GRM3: variants seen among roughly 807,000 people sequenced by gnomAD.
The protein encoded by GRM3 is glutamate metabotropic receptor 3.
GRM3 carries 26 observed loss-of-function variants against 70.5 expected under a neutral mutation model. That is an observed-to-expected ratio of 0.37 (90% CI 0.27 to 0.51). GRM3 has a LOEUF of 0.51. Ranked by LOEUF, GRM3 falls within the 20% of genes least tolerant of loss-of-function variation. GRM3 has a pLI of 0.93. For missense variants in GRM3, 859 were observed against 1,123.8 expected, an observed-to-expected ratio of 0.76 and a Z score of 3.37; for synonymous variants, 443 against 434.9, an observed-to-expected ratio of 1.02 and a Z score of -0.23.
At chr7:86,836,103 A>G (rs1798451271) in intron 3 of GRM3, among the ~76,000 whole-genome samples, 1 of 152,232 alleles carries the variant, frequency 6.6e-6, no homozygotes, top group Admixed American at 6.5e-5. Context: ...AATTATTAAA[A>G]AGATAAAAAT....
intron 1 of GRM3, among the ~76,000 whole-genome samples, chr7:86,696,655 G>A (rs1794824405): frequency 6.6e-6 from 1 of 151,974 alleles, no homozygotes. Flanking sequence ...TTTTATAAAG[G>A]TGAAGAGTAT....
intron 2 of GRM3, among the ~76,000 whole-genome samples, chr7:86,783,822 A>G (rs1797145552): frequency 1.3e-5 from 2 of 152,188 alleles, no homozygotes; most frequent in African/African-American, 4.8e-5. Flanking sequence ...GTAACTCTGA[A>G]TATCGTAAGT....
At chr7:86,762,775 G>T (rs77903561) in intron 1 of GRM3, among the ~76,000 whole-genome samples, 3,265 of 152,148 alleles carry the variant, frequency 0.021, 104 homozygotes, top group African/African-American at 0.072. Flanking sequence ...ATTTGCTGGA[G>T]AAATTGGTAT....
intron 1 of GRM3, among the ~76,000 whole-genome samples, chr7:86,758,485 G>A (rs1796401006): frequency 1.3e-5 from 2 of 152,114 alleles, no homozygotes; most frequent in South Asian, 4.1e-4. Context: ...AGGAACTTGA[G>A]GATGCTAAAG....
At chr7:86,818,425 A>T (rs1457418344) in intron 3 of GRM3, among the ~76,000 whole-genome samples, 1 of 152,056 alleles carries the variant, frequency 6.6e-6, no homozygotes, top group Admixed American at 6.6e-5. Flanking sequence ...TGCTGGAGTC[A>T]TGTAGACCTG....
At chr7:86,673,218 T>A (rs936555368) in intron 1 of GRM3, among the ~76,000 whole-genome samples, 4 of 152,106 alleles carry the variant, frequency 2.6e-5, no homozygotes, top group African/African-American at 9.7e-5. Context: ...TTCCTCATTC[T>A]CCCCTTACAG....
rs1797253019 is a variant in GRM3 at position 86,786,587 on chromosome 7, G to A, written c.795G>A (p.Gln265=). 2.5e-6 allele frequency: 4 copies of A among 1,613,868 alleles called. No homozygotes were observed. Among genetic ancestry groups the A allele is most frequent in the Non-Finnish European group, 3.4e-6 (4 of 1,180,046 alleles). ...SYDSVIRELL[Q]KPNARVVVLF... ...ACAGCGTGATCCGAGAACTGTTGCAGAAGCCCAACGCGCGCGTCGTGGTCC... is the reference window on the plus strand; with the variant it reads ...ACAGCGTGATCCGAGAACTGTTGCAAAAGCCCAACGCGCGCGTCGTGGTCC... The change falls in exon 3 of 6, where the codon CAG becomes CAA. Residue 265 remains glutamine, a synonymous_variant. Coordinates refer to ENST00000361669, the MANE Select transcript of GRM3 (RefSeq NM_000840.3). The surrounding 1 kb of genome is among the most constrained non-coding windows in gnomAD (Gnocchi z 6.0).
intron 3 of GRM3, among the ~76,000 whole-genome samples, chr7:86,838,021 T>C (rs929421152): frequency 6.6e-6 from 1 of 152,162 alleles, no homozygotes; most frequent in East Asian, 1.9e-4. Context: ...GAAGCATGTA[T>C]GCTCAGAGCT....
chr7:86,731,369 GTT>G (rs750761720), intron 1 of GRM3, among the ~76,000 whole-genome samples: 14 of 151,988 alleles, frequency 9.2e-5, no homozygotes, highest in Non-Finnish European at 2.1e-4. Context: ...AAATTATCTT[GTT>G]CCTTCACATG....
At chr7:86,773,974 C>T (rs904689857) in intron 2 of GRM3, among the ~76,000 whole-genome samples, 1 of 152,074 alleles carries the variant, frequency 6.6e-6, no homozygotes, top group South Asian at 2.1e-4. Flanking sequence ...GGTCAGGTGT[C>T]TATGATGGAG....
chr7:86,789,493 T>C (rs1797353546), intron 3 of GRM3, among the ~76,000 whole-genome samples: 1 of 152,246 alleles, frequency 6.6e-6, no homozygotes, highest in Non-Finnish European at 1.5e-5. Flanking sequence ...TGCTTTAAGC[T>C]TGAGATGCAC....
intron 4 of GRM3, among the ~76,000 whole-genome samples, chr7:86,846,302 G>C (rs1442189135): frequency 6.6e-6 from 1 of 152,120 alleles, no homozygotes; most frequent in East Asian, 1.9e-4. Flanking sequence ...ACTACAGCTG[G>C]GGATTAATCC....
chr7:86,764,504 A>G (rs1032429734), intron 1 of GRM3, among the ~76,000 whole-genome samples: 2 of 152,172 alleles, frequency 1.3e-5, no homozygotes, highest in Non-Finnish European at 2.9e-5. Context: ...ACAGAGATGC[A>G]GTGGTAGAAA....
At chr7:86,818,098 C>G (rs1798052092) in intron 3 of GRM3, among the ~76,000 whole-genome samples, 1 of 152,024 alleles carries the variant, frequency 6.6e-6, no homozygotes, top group Admixed American at 6.6e-5. Flanking sequence ...CTCAAACGAT[C>G]CATCTATAGA....
At chr7:86,780,673 G>A (rs1489328211) in intron 2 of GRM3, among the ~76,000 whole-genome samples, 1 of 152,128 alleles carries the variant, frequency 6.6e-6, no homozygotes, top group African/African-American at 2.4e-5. Flanking sequence ...AAATCAGAAA[G>A]CCAAATCTGA....
intron 3 of GRM3, among the ~76,000 whole-genome samples, chr7:86,803,433 T>C (rs550516911): frequency 1.5e-3 from 235 of 152,324 alleles, no homozygotes; most frequent in African/African-American, 4.8e-3. Flanking sequence ...ATTAATCCAA[T>C]GGCTAAACTG....
At chr7:86,831,224 A>G (rs892055528) in intron 3 of GRM3, among the ~76,000 whole-genome samples, 3 of 152,234 alleles carry the variant, frequency 2.0e-5, no homozygotes, top group Non-Finnish European at 4.4e-5. Flanking sequence ...AGGGACGGGA[A>G]CAAGGGAACT....
intron 1 of GRM3, among the ~76,000 whole-genome samples, chr7:86,742,559 G>T (rs1469004392): frequency 6.6e-6 from 1 of 152,140 alleles, no homozygotes; most frequent in Non-Finnish European, 1.5e-5. Flanking sequence ...GATGTAAGAG[G>T]AAGGATAAAG....
intron 1 of GRM3, among the ~76,000 whole-genome samples, chr7:86,760,402 T>C (rs1003124472): frequency 1.3e-5 from 2 of 152,118 alleles, no homozygotes; most frequent in African/African-American, 2.4e-5. Flanking sequence ...TACACATGCT[T>C]GTTTACAGTT....
Sources: gnomAD v4.1 joint callset for allele counts (sites outside exome capture counted in the v4.1 genomes callset) on GRCh38, gnomAD v4.1.1 for gene constraint, Gnocchi (gnomAD v3.1) non-coding constraint, MANE v1.5 for transcripts, NCBI Gene and HGNC (gene_info 2026-07-23, HGNC 2026-07-21) for gene names.